The following ZNF541 variants were observed in gnomAD, a reference collection of about 807,000 sequenced individuals.
The protein encoded by ZNF541 is zinc finger protein 541.
In ZNF541, 23 loss-of-function variants were observed where a neutral mutation model predicts 123.5. That is an observed-to-expected ratio of 0.19 (90% CI 0.13 to 0.26). ZNF541 has a LOEUF of 0.26. Ranked by LOEUF, ZNF541 falls within the 10% of genes least tolerant of loss-of-function variation. The probability of loss-of-function intolerance (pLI) is 1.00; values close to 1 mark genes in which losing one functional copy is unlikely to be tolerated. For missense variants in ZNF541, 1,612 were observed against 1,789.9 expected (o/e 0.90, Z 1.79); for synonymous variants, 751 against 754.5 (o/e 1.00, Z 0.08).
rs769524421 is a variant in ZNF541 at position 47,545,275 on chromosome 19, G to T, written c.1254C>A (p.Asn418Lys). Reference sequence around the variant, plus strand: ...CTTTGCTTTTGGGACAGCCCGGCAGGTTCCGGAGCCACTGGAAGCTGTGGC... The same window carrying T: ...CTTTGCTTTTGGGACAGCCCGGCAGTTTCCGGAGCCACTGGAAGCTGTGGC... The part of the protein sequence containing the change: ...PSSHSFQWLR[N>K]LPGCPKSKGN... Residue 418 changes from asparagine to lysine, a missense_variant, in exon 5 of 17, where the codon AAC becomes AAA. By Grantham distance (94) the Asn-to-Lys change is moderately conservative. Around this residue, in one of 5 missense-constraint regions of ZNF541, gnomAD observed 1,080 missense variants for 1,013.8 expected, o/e 1.07. Transcript: ENST00000391901. The surrounding 1 kb of genome is among the most constrained non-coding windows in gnomAD (Gnocchi z 7.5). The T allele has an allele frequency of 4.5e-6, 7 of 1,549,544 alleles. No individual in the cohort carries two copies. The highest frequency in any genetic ancestry group is 5.2e-6 in the Non-Finnish European group (6 of 1,146,776).
intron 9 of ZNF541, among the ~76,000 whole-genome samples, chr19:47,536,825 G>T (rs1474334098): frequency 6.6e-6 from 1 of 152,104 alleles, no homozygotes; most frequent in Non-Finnish European, 1.5e-5. Flanking sequence ...GCCCAAAGTG[G>T]AAACAACCCA....
intron 2 of ZNF541, among the ~76,000 whole-genome samples, chr19:47,570,281 A>G (rs994903220): frequency 1.3e-4 from 19 of 151,012 alleles, no homozygotes; most frequent in Non-Finnish European, 2.2e-4. Flanking sequence ...CTCCAAAAAA[A>G]AAAAAGTCCA....
chr19:47,555,821 G>T lies in ZNF541; in HGVS notation c.36C>A (p.Leu12=). The change falls in exon 3 of 17, where the codon CTC becomes CTA. Residue 12 remains leucine (L), a synonymous_variant. Transcript: ENST00000391901. The part of the protein sequence containing the change: ...DQYSLGDEGA[L]PSEMHLPSFS... ...ATGAAGGGAGGTGCATTTCTGATGG[G>T]AGGGCACCCTCGTCTCCAAGGCTGT... 1 of 1,551,590 alleles carries T rather than the reference G, an allele frequency of 6.4e-7. No individual in the cohort carries two copies. Among genetic ancestry groups the T allele is most frequent in the Non-Finnish European group, 8.7e-7 (1 of 1,146,978 alleles).
At chr19:47,529,741 G>T in intron 12 of ZNF541, 89 bp from the exon 13 acceptor site, 1 of 1,289,786 alleles carries the variant, frequency 7.8e-7, no homozygotes, top group Non-Finnish European at 1.1e-6. Context: ...AACACTTGCG[G>T]CTGTCCCTGA....
At chr19:47,568,788 C>T (rs1339424229) in intron 2 of ZNF541, among the ~76,000 whole-genome samples, 1 of 152,164 alleles carries the variant, frequency 6.6e-6, no homozygotes, top group Non-Finnish European at 1.5e-5. Flanking sequence ...TTTTCCTCCT[C>T]AACCTTCCGA....
chr19:47,528,271 C>T (rs1237683328), intron 14 of ZNF541, among the ~76,000 whole-genome samples: 3 of 142,290 alleles, frequency 2.1e-5, no homozygotes, highest in Non-Finnish European at 3.1e-5. Flanking sequence ...GCCAAGATTG[C>T]GCCACTGCAC....
intron 9 of ZNF541, among the ~76,000 whole-genome samples, chr19:47,536,933 A>G (rs1249114598): frequency 6.6e-6 from 1 of 152,230 alleles, no homozygotes; most frequent in Non-Finnish European, 1.5e-5. Flanking sequence ...ATGCACTACA[A>G]TATGAAGGGA....
intron 8 of ZNF541, 89 bp downstream of exon 8, chr19:47,539,616 T>C: frequency 7.5e-7 from 1 of 1,324,584 alleles, no homozygotes; most frequent in East Asian, 3.1e-5. Context: ...GTCAAAGATT[T>C]TCTGTGGTAT....
In ZNF541 at chr19:47,544,286, T is replaced by C; in HGVS notation, c.2243A>G (p.Asn748Ser). The C allele has an allele frequency of 6.4e-7, 1 of 1,551,530 alleles. No individual in the cohort carries two copies. Among genetic ancestry groups the C allele is most frequent in the Non-Finnish European group, 8.7e-7 (1 of 1,146,992 alleles). ...SRGGGYRLLGNPRAPRFSGFR... is the reference protein window; with the variant it reads ...SRGGGYRLLGSPRAPRFSGFR... ...GCCGGAGAATCGCGGGGCCCTGGGGTTGCCCAAGAGCCGGTAGCCTCCACC... is the reference window on the plus strand; with the variant it reads ...GCCGGAGAATCGCGGGGCCCTGGGGCTGCCCAAGAGCCGGTAGCCTCCACC... The change falls in exon 5 of 17, where the codon AAC becomes AGC. Residue 748 changes from asparagine to serine, a missense_variant. Transcript: ENST00000391901.
At chr19:47,532,380 G>T in intron 10 of ZNF541, 110 bp from the exon 11 acceptor site, 1 of 1,270,062 alleles carries the variant, frequency 7.9e-7, no homozygotes, top group Non-Finnish European at 1.1e-6. Flanking sequence ...CTGCTCCATG[G>T]AAACCCTCTG....
chr19:47,568,190 CCA>C (rs1971339852), intron 2 of ZNF541, among the ~76,000 whole-genome samples: 1 of 152,078 alleles, frequency 6.6e-6, no homozygotes, highest in African/African-American at 2.4e-5. Context: ...TGTTCTGCCA[CCA>C]CACCCCCCAC....
At position 47,555,682 on chromosome 19, in the gene ZNF541, G is replaced by A; in HGVS notation, c.175C>T (p.Pro59Ser). ...ACCTCGCTGGACATGTCAGGCGTTG[G>A]GAGGCTGGGGTCCGGGTCCAGACCA... is the stretch of plus-strand genomic sequence containing the variant. ...LSGLDPDPSL[P>S]TPDMSSEVLE... The change falls in exon 3 of 17, where the codon CCA becomes TCA. Residue 59 changes from proline to serine, a missense_variant. Physicochemically the swap from Pro to Ser is moderately conservative, Grantham distance 74. This residue lies in a region of ZNF541 where 212 missense variants were observed against 289.6 expected (regional missense o/e 0.73). Coordinates refer to ENST00000391901, the MANE Select transcript of ZNF541 (RefSeq NM_001277075.3). 7 of 1,551,762 alleles carry A rather than the reference G, an allele frequency of 4.5e-6. No individual in the cohort carries two copies. Among genetic ancestry groups the A allele is most frequent in the Non-Finnish European group, 6.1e-6 (7 of 1,147,006 alleles).
intron 2 of ZNF541, among the ~76,000 whole-genome samples, chr19:47,559,897 T>C (rs1239287177): frequency 6.6e-6 from 1 of 151,284 alleles, no homozygotes; most frequent in Non-Finnish European, 1.5e-5. Context: ...GGGAGAACTT[T>C]GTGGCATATT....
At chr19:47,531,579 G>T in intron 12 of ZNF541, 63 bp downstream of exon 12, 1 of 1,314,032 alleles carries the variant, frequency 7.6e-7, no homozygotes. Context: ...CAGACAGCAC[G>T]TCACATGCAC....
At chr19:47,526,496 A>AAAAAG (rs56163376) in intron 14 of ZNF541, among the ~76,000 whole-genome samples, 43,219 of 136,790 alleles carry the variant, frequency 0.32, 10,763 homozygotes, top group African/African-American at 0.72. Flanking sequence ...AAAAAAAAAA[A>AAAAAG]AAAAGAAAAC....
At position 47,540,195 on chromosome 19, in the gene ZNF541, C is replaced by T. The variant is rs1477169674; in HGVS notation, c.2603G>A (p.Arg868Gln). The T allele has an allele frequency of 3.9e-6, 6 of 1,551,030 alleles. No individual in the cohort carries two copies. Among genetic ancestry groups the T allele is most frequent in the East Asian group, 4.9e-5 (2 of 40,918 alleles). ...CFHSDQWPSP[R>Q]GKQEPQVFGT... The stretch of plus-strand genomic sequence containing the variant: ...CTTCACCTGCGGTTCCTGCTTCCCT[C>T]GAGGTGACGGCCACTGGTCGCTGTG... The change falls in exon 7 of 17, where the codon CGA (arginine) becomes CAA (glutamine). Residue 868 changes from arginine to glutamine, a missense_variant. Physicochemically the swap from Arg to Gln is conservative, Grantham distance 43. Transcript: ENST00000391901.
At chr19:47,558,796 G>A (rs1970939918) in intron 2 of ZNF541, among the ~76,000 whole-genome samples, 3 of 150,744 alleles carry the variant, frequency 2.0e-5, no homozygotes, top group Middle Eastern at 3.4e-3. Context: ...CCAGGCTAGA[G>A]TGCAGTGGCG....
intron 3 of ZNF541, 35 bp downstream of exon 3, chr19:47,555,515 C>A: frequency 1.3e-6 from 2 of 1,490,146 alleles, no homozygotes; most frequent in South Asian, 1.3e-5. Flanking sequence ...TGTCGAACAT[C>A]CTGCAGGGCC....
At chr19:47,552,338 G>A (rs1271849232) in intron 3 of ZNF541, among the ~76,000 whole-genome samples, 1 of 152,072 alleles carries the variant, frequency 6.6e-6, no homozygotes. Context: ...AACTGGGCTG[G>A]GAGTCTTGAG....
Sources: allele counts gnomAD v4.1 joint callset (sites outside exome capture counted in the v4.1 genomes callset), GRCh38; gene constraint gnomAD v4.1.1; regional missense constraint gnomAD v4.1.1; non-coding constraint Gnocchi (gnomAD v3.1); transcripts MANE v1.5; gene names NCBI Gene and HGNC (gene_info 2026-07-23, HGNC 2026-07-21).